Variants in GALNT13 observed in about 807,000 individuals in gnomAD.
The protein encoded by GALNT13 is UDP-GalNAc:polypeptide N-acetylgalactosaminyltransferase 13.
A neutral mutation model predicts 64.2 loss-of-function variants in GALNT13; 28 were observed. That is an observed-to-expected ratio of 0.44 (90% confidence interval 0.32 to 0.60). The LOEUF is 0.60. GALNT13 is among the 20% of genes least tolerant of loss of function. The pLI, the probability that GALNT13 is intolerant of heterozygous loss-of-function variation, is 0.05. For missense variants in GALNT13, 577 were observed against 669.8 expected, an observed-to-expected ratio of 0.86 and a Z score of 1.53; for synonymous variants, 214 against 224.6, an observed-to-expected ratio of 0.95 and a Z score of 0.42.
At chr2:153,920,239 G>A (rs1689661116) in intron 2 of GALNT13, among the ~76,000 whole-genome samples, 1 of 150,800 alleles carries the variant, frequency 6.6e-6, no homozygotes, top group Admixed American at 6.6e-5. Flanking sequence ...TATGCATTCA[G>A]AGGCTACAGT....
chr2:154,026,108 T>G (rs1304503960), intron 3 of GALNT13, among the ~76,000 whole-genome samples: 1 of 152,158 alleles, frequency 6.6e-6, no homozygotes, highest in Admixed American at 6.6e-5. Flanking sequence ...AGTAGAAGAT[T>G]TATTTCTCAG....
intron 12 of GALNT13, among the ~76,000 whole-genome samples, chr2:154,442,174 G>C (rs558935962): frequency 1.1e-4 from 17 of 152,008 alleles, no homozygotes; most frequent in African/African-American, 4.8e-5. Flanking sequence ...TAGGGGGAAA[G>C]GTGTTCTACA....
the GALNT13 span, among the ~76,000 whole-genome samples, chr2:153,759,286 A>G: frequency 1.3e-5 from 2 of 152,028 alleles, no homozygotes; most frequent in South Asian, 2.1e-4. Flanking sequence ...GAAGTATTTT[A>G]TTTGTTTCTC....
the GALNT13 span, among the ~76,000 whole-genome samples, chr2:153,401,618 G>A: frequency 6.6e-6 from 1 of 150,852 alleles, no homozygotes; most frequent in African/African-American, 2.5e-5. Context: ...CCCTGTATTG[G>A]GTGCATATAT....
the GALNT13 span, among the ~76,000 whole-genome samples, chr2:153,291,967 T>G: frequency 2.0e-5 from 3 of 152,284 alleles, no homozygotes; most frequent in Non-Finnish European, 4.4e-5. Context: ...CAAAAGGAGA[T>G]GTATGAAACA....
At chr2:154,153,587 T>G (rs945243778) in intron 4 of GALNT13, among the ~76,000 whole-genome samples, 2 of 152,202 alleles carry the variant, frequency 1.3e-5, no homozygotes, top group African/African-American at 2.4e-5. Context: ...GCTCCACCCA[T>G]TTCGAGCTTC....
At chr2:153,581,146 G>A in the GALNT13 span, among the ~76,000 whole-genome samples, 6 of 151,998 alleles carry the variant, frequency 3.9e-5, no homozygotes, top group African/African-American at 9.7e-5. Context: ...CAGTATGTGG[G>A]ACATTGAGTT....
chr2:153,249,624 C>T, the GALNT13 span, among the ~76,000 whole-genome samples: 1 of 152,260 alleles, frequency 6.6e-6, no homozygotes, highest in Admixed American at 6.5e-5. Flanking sequence ...TGACTTCAAA[C>T]TATACTACAA....
the GALNT13 span, among the ~76,000 whole-genome samples, chr2:153,648,902 A>G: frequency 3.3e-5 from 5 of 152,090 alleles, no homozygotes; most frequent in Admixed American, 6.5e-5. Flanking sequence ...ATTGATGTTC[A>G]TAGGGATATT....
chr2:153,440,729 G>T, the GALNT13 span, among the ~76,000 whole-genome samples: 53 of 152,022 alleles, frequency 3.5e-4, no homozygotes, highest in Non-Finnish European at 8.8e-5. Flanking sequence ...TCATATGTCT[G>T]TTGGCCTCAT....
the GALNT13 span, among the ~76,000 whole-genome samples, chr2:153,082,928 A>G: frequency 1.3e-5 from 2 of 151,606 alleles, no homozygotes; most frequent in Non-Finnish European, 2.9e-5. Flanking sequence ...TCGCAGGTTC[A>G]AGCGATTCTC....
chr2:153,760,202 G>A, the GALNT13 span, among the ~76,000 whole-genome samples: 1 of 151,576 alleles, frequency 6.6e-6, no homozygotes, highest in East Asian at 1.9e-4. Flanking sequence ...AAGTTTCATT[G>A]ACTATGTTTA....
the GALNT13 span, among the ~76,000 whole-genome samples, chr2:153,185,897 G>A: frequency 4.6e-5 from 7 of 152,074 alleles, no homozygotes; most frequent in Non-Finnish European, 8.8e-5. Context: ...CGATTTTAGA[G>A]TAAGTGCTGT....
chr2:154,075,556 A>T (rs1043252511), intron 3 of GALNT13, among the ~76,000 whole-genome samples: 2 of 151,822 alleles, frequency 1.3e-5, no homozygotes, highest in African/African-American at 4.8e-5. Context: ...TTGATCAAAT[A>T]TATTTTCAAC....
At chr2:154,220,925 T>C (rs1688291766) in intron 4 of GALNT13, among the ~76,000 whole-genome samples, 1 of 152,060 alleles carries the variant, frequency 6.6e-6, no homozygotes, top group African/African-American at 2.4e-5. Flanking sequence ...TTGTTTTAGA[T>C]GAGCGCAAAG....
the GALNT13 span, among the ~76,000 whole-genome samples, chr2:153,490,867 G>T: frequency 0.051 from 7,681 of 151,578 alleles, 275 homozygotes; most frequent in Middle Eastern, 0.15. Context: ...GGCTGAGGCA[G>T]GAGAATCACT....
the GALNT13 span, among the ~76,000 whole-genome samples, chr2:153,785,402 G>A: frequency 7.2e-5 from 11 of 152,164 alleles, no homozygotes; most frequent in Admixed American, 2.0e-4. Context: ...TTGCTGTTTC[G>A]TAGCCATCAC....
At chr2:153,971,562 G>T (rs1267313215) in intron 3 of GALNT13, among the ~76,000 whole-genome samples, 2 of 152,098 alleles carry the variant, frequency 1.3e-5, no homozygotes, top group East Asian at 3.8e-4. Context: ...TACCACTAGA[G>T]AGACTTATTT....
the GALNT13 span, among the ~76,000 whole-genome samples, chr2:153,151,118 T>G: frequency 6.6e-6 from 1 of 152,084 alleles, no homozygotes; most frequent in South Asian, 2.1e-4. Context: ...TGTTCTTCCA[T>G]TTGTTTGTAT....
Sources: gnomAD v4.1 joint callset for allele counts (sites outside exome capture counted in the v4.1 genomes callset) on GRCh38, gnomAD v4.1.1 for gene constraint, MANE v1.5 for transcripts, NCBI Gene and HGNC (gene_info 2026-07-23, HGNC 2026-07-21) for gene names.